The following AHNAK variants were observed in gnomAD, a reference collection of about 807,000 sequenced individuals.
AHNAK encodes the protein AHNAK nucleoprotein, also known as neuroblast differentiation-associated protein AHNAK.
Under a neutral mutation model 37.8 loss-of-function variants are expected in AHNAK, and 23 were observed. The ratio of observed to expected loss-of-function variants is 0.61; its 90% confidence interval spans 0.44 to 0.86. AHNAK has a LOEUF of 0.86. Ranked by LOEUF, AHNAK falls within the 40% of genes least tolerant of loss-of-function variation. The probability of loss-of-function intolerance (pLI) is 0.00; values close to 1 mark genes in which losing one functional copy is unlikely to be tolerated. For missense variants in AHNAK, 7,411 were observed against 7,319.4 expected (o/e 1.01, Z -0.46); for synonymous variants, 2,481 against 2,636.3 (o/e 0.94, Z 1.80).
rs145433832 is a variant in AHNAK at position 62,518,149 on chromosome 11, T to C, written c.16268A>G (p.Asn5423Ser). The C allele has an allele frequency of 1.9e-4, 310 of 1,614,184 alleles. No homozygotes were observed. Among genetic ancestry groups the C allele is most frequent in the Non-Finnish European group, 2.5e-4 (294 of 1,180,016 alleles). The change falls in exon 5 of 5, where the codon AAT becomes AGT. Residue 5423 changes from asparagine to serine, a missense_variant. Asn to Ser is a conservative substitution (Grantham distance 46). Transcript: ENST00000378024. ...ISTPGSDLHV[N>S]AKGPQVSGEL... is the part of the protein sequence containing the mutation. Reference sequence around the variant, plus strand: ...GCCAGAAACCTGTGGCCCCTTGGCATTGACGTGCAAGTCGGACCCCGGAGT... The same window carrying C: ...GCCAGAAACCTGTGGCCCCTTGGCACTGACGTGCAAGTCGGACCCCGGAGT...
intron 4 of AHNAK, among the ~76,000 whole-genome samples, chr11:62,493,011 C>CTTTTTTT (rs960994580): frequency 5.3e-5 from 7 of 133,328 alleles, no homozygotes; most frequent in African/African-American, 8.3e-5. Flanking sequence ...CTTTTCTTTT[C>CTTTTTTT]TTTTTTTTTT....
chr11:62,517,065 A>G lies in AHNAK; in HGVS notation c.17352T>C (p.Ser5784=), dbSNP rs1940043576. 1.2e-6 allele frequency: 2 copies of G among 1,614,040 alleles called. No homozygotes were observed. The highest frequency in any genetic ancestry group is 1.3e-5 in the African/African-American group (1 of 74,990). Reference sequence around the variant, plus strand: ...AAGGTCCAGAGAACTCTCTTTCATCACTGAATGAATTTGAGCGGTGCCGTG... The same window carrying G: ...AAGGTCCAGAGAACTCTCTTTCATCGCTGAATGAATTTGAGCGGTGCCGTG... The part of the protein sequence containing the change: ...KKPRHRSNSF[S]DEREFSGPST... The change falls in exon 5 of 5, where the codon AGT becomes AGC. Residue 5784 remains serine, a synonymous_variant. Coordinates refer to ENST00000378024, the MANE Select transcript of AHNAK (RefSeq NM_001620.3).
chr11:62,454,362 G>A (rs1416723977), intron 5 of AHNAK, among the ~76,000 whole-genome samples: 2 of 149,738 alleles, frequency 1.3e-5, no homozygotes, highest in South Asian at 2.1e-4. Flanking sequence ...GCAGTGAGCC[G>A]AGATCCTGCC....
intron 5 of AHNAK, among the ~76,000 whole-genome samples, chr11:62,443,034 T>C: frequency 6.7e-6 from 1 of 149,814 alleles, no homozygotes; most frequent in East Asian, 2.0e-4. Context: ...TGCGGTGGCG[T>C]GATCTTGGCT....
In AHNAK at chr11:62,498,404, A is replaced by ATGTAATTATAATTACACCATATAG. The variant is rs1939652428; in HGVS notation, c.343-6574_343-6573insCTATATGGTGTAATTATAATTACA. Among the ~76,000 whole-genome samples the ATGTAATTATAATTACACCATATAG allele has an allele frequency of 2.0e-5, 3 of 150,370 alleles. No homozygotes were observed. In the East Asian group the frequency reaches 5.8e-4, roughly 29 times the overall value. The stretch of plus-strand genomic sequence containing the variant: ...GAATGGCATACTAAGATTACACTAA[A>ATGTAATTATAATTACACCATATAG]TGTAATTATAATTACACTATATAGT... On this transcript the variant is annotated intron_variant, in intron 4 of 5. Transcript: ENST00000257247.
At chr11:62,449,145 C>G (rs547782284) in intron 5 of AHNAK, among the ~76,000 whole-genome samples, 1 of 152,188 alleles carries the variant, frequency 6.6e-6, no homozygotes, top group Non-Finnish European at 1.5e-5. Flanking sequence ...ATTTGAGCTA[C>G]AAGTAGCGTT....
rs1435448485 is a variant in AHNAK at position 62,524,988 on chromosome 11, G to A, written c.9429C>T (p.Gly3143=). The A allele has an allele frequency of 6.2e-7, 1 of 1,613,596 alleles. No homozygotes were observed. The highest frequency in any genetic ancestry group is 1.1e-5 in the South Asian group (1 of 91,034). Residue 3143 remains glycine, a synonymous_variant, in exon 5 of 5, where the codon GGC becomes GGT. Transcript: ENST00000378024. ...TAGGCATCTTCAGGTGCCAGTCTGG[G>A]CCTTGAACATCCACATCTGGGGCAT... is the stretch of plus-strand genomic sequence containing the variant. ...DINAPDVDVQ[G]PDWHLKMPKI...
downstream of AHNAK, among the ~76,000 whole-genome samples, chr11:62,514,850 A>G (rs1334124969): frequency 6.6e-6 from 1 of 152,144 alleles, no homozygotes; most frequent in Non-Finnish European, 1.5e-5. Context: ...TCTGCTGGCC[A>G]CGGTGAGGAC....
chr11:62,471,721 G>C (rs1166229289), intron 5 of AHNAK, among the ~76,000 whole-genome samples: 10 of 152,212 alleles, frequency 6.6e-5, no homozygotes, highest in Admixed American at 1.3e-4. Context: ...TGGGGGCCAG[G>C]CAGCCCATGG....
In AHNAK at chr11:62,517,861, GA is replaced by G. The variant is rs1940077811; in HGVS notation, c.16555del (p.Ser5519LeufsTer9). ...CAGACCACCTTTGATTTCAGGCCCA[GA>G]AATCTGCCCAGTTGGGAGTTTCACA... ...VNVKLPTGQI[S>X]GPEIKGGLKG... On this transcript the variant is annotated frameshift_variant, in exon 5 of 5. Transcript: ENST00000378024. LOFTEE classifies it high-confidence loss of function. The G allele has an allele frequency of 6.2e-7, 1 of 1,614,154 alleles. No individual in the cohort carries two copies. The highest frequency in any genetic ancestry group is 1.7e-5 in the Admixed American group (1 of 60,020).
rs201733548 is a variant in AHNAK, at chr11:62,521,920, T to C, written c.12497A>G (p.Lys4166Arg). 1.2e-4 allele frequency: 199 copies of C among 1,613,408 alleles called. No homozygotes were observed. The South Asian group carries it at 1.6e-3, about 13-fold the overall frequency. The change falls in exon 5 of 5, where the codon AAG becomes AGG. Residue 4166 changes from lysine (K) to arginine (R), a missense_variant. By Grantham distance (26) the Lys-to-Arg change is conservative (BLOSUM62 2). Coordinates refer to ENST00000378024, the MANE Select transcript of AHNAK (RefSeq NM_001620.3). ...GDLKGPEVDI[K>R]GPKVDIDVPD... is the part of the protein sequence containing the mutation. ...GACATCAATGTCCACTTTGGGGCCC[T>C]TGATGTCAACTTCAGGGCCCTTGAG...
At position 62,535,113 on chromosome 11, in the gene AHNAK, C is replaced by A; in HGVS notation, c.232G>T (p.Gly78Trp). The A allele has an allele frequency of 6.2e-7, 1 of 1,613,952 alleles. No individual in the cohort carries two copies. The highest frequency in any genetic ancestry group is 8.5e-7 in the Non-Finnish European group (1 of 1,179,884). Reference sequence around the variant, plus strand: ...AGCTTCAGGCCCACCGTGTGGTGCCCCATGGTGTTCAGCAGCTGGGTCACC... The same window carrying A: ...AGCTTCAGGCCCACCGTGTGGTGCCACATGGTGTTCAGCAGCTGGGTCACC... The part of the protein sequence containing the change: ...GEVTQLLNTM[G>W]HHTVGLKLHR... The change falls in exon 4 of 5, where the codon GGG becomes TGG. Residue 78 changes from glycine to tryptophan, a missense_variant. Gly to Trp is a radical substitution (Grantham distance 184). Transcript: ENST00000378024.
In AHNAK at chr11:62,526,342, C is replaced by A. The variant is rs749263039; in HGVS notation, c.8075G>T (p.Gly2692Val). Residue 2692 changes from glycine to valine, a missense_variant, in exon 5 of 5, where the codon GGG becomes GTG. By Grantham distance (109) the Gly-to-Val change is moderately radical. Transcript: ENST00000378024. ...CATCTCTGGCATCTTGAACTTAGGC[C>A]CTTTCAACTTTCCCTCTGGTCCTTC... is the stretch of plus-strand genomic sequence containing the variant. Reference protein sequence around the residue: ...NIEGPEGKLKGPKFKMPEMNI... With the variant: ...NIEGPEGKLKVPKFKMPEMNI... The A allele has an allele frequency of 1.2e-6, 2 of 1,611,966 alleles. No individual in the cohort carries two copies. Among genetic ancestry groups the A allele is most frequent in the Non-Finnish European group, 1.7e-6 (2 of 1,179,498 alleles).
rs1358444353 is a variant in AHNAK, at chr11:62,532,103, T to A, written c.2314A>T (p.Asn772Tyr). 16 of 1,613,542 alleles carry A rather than the reference T, an allele frequency of 9.9e-6. No individual in the cohort carries two copies. Among genetic ancestry groups the A allele is most frequent in the Non-Finnish European group, 1.4e-5 (16 of 1,179,910 alleles). Residue 772 changes from asparagine to tyrosine, a missense_variant, in exon 5 of 5, where the codon AAC becomes TAC. By Grantham distance (143) the Asn-to-Tyr change is moderately radical. Coordinates refer to ENST00000378024, the MANE Select transcript of AHNAK (RefSeq NM_001620.3). ...FKAEGPEVDV[N>Y]LPKADVDISG... ...ATGTCCACATCAGCCTTGGGCAGGTTCACATCCACTTCTGGGCCCTCTGCT... is the reference window on the plus strand; with the variant it reads ...ATGTCCACATCAGCCTTGGGCAGGTACACATCCACTTCTGGGCCCTCTGCT...
chr11:62,486,454 C>T (rs1939396438), intron 5 of AHNAK, among the ~76,000 whole-genome samples: 1 of 147,022 alleles, frequency 6.8e-6, no homozygotes, highest in South Asian at 2.1e-4. Context: ...GCCTGGGCAA[C>T]AAGAGCTAAA....
Position 62,522,449 on chromosome 11 carries a change from T to C in AHNAK, c.11968A>G (p.Lys3990Glu). The C allele has an allele frequency of 1.2e-6, 2 of 1,613,530 alleles. No homozygotes were observed. Among genetic ancestry groups the C allele is most frequent in the Middle Eastern group, 1.7e-4 (1 of 6,060 alleles). Residue 3990 changes from lysine to glutamate, a missense_variant, in exon 5 of 5, where the codon AAG becomes GAG. Physicochemically the swap from Lys to Glu is moderately conservative, Grantham distance 56. Coordinates refer to ENST00000378024, the MANE Select transcript of AHNAK (RefSeq NM_001620.3). ...GCTTTGATGTTCATCTCTGGCATCT[T>C]GAATTTAGGGCCCTTCAGTTTCGCA... is the stretch of plus-strand genomic sequence containing the variant. ...PDAKLKGPKF[K>E]MPEMNIKAPK... is the part of the protein sequence containing the mutation.
intron 3 of AHNAK, among the ~76,000 whole-genome samples, chr11:62,535,473 A>G (rs1048897484): frequency 1.3e-5 from 2 of 150,862 alleles, no homozygotes; most frequent in Non-Finnish European, 3.0e-5. Context: ...ACATAGAAAA[A>G]CCCCGTCTCT....
At position 62,526,432 on chromosome 11, in the gene AHNAK, A is replaced by G; in HGVS notation, c.7985T>C (p.Leu2662Pro). The G allele has an allele frequency of 1.2e-6, 2 of 1,611,780 alleles. No homozygotes were observed. The highest frequency in any genetic ancestry group is 1.7e-6 in the Non-Finnish European group (2 of 1,179,576). The change falls in exon 5 of 5, where the codon CTG (leucine) becomes CCG (proline). Residue 2662 changes from leucine (L) to proline (P), a missense_variant. Coordinates refer to ENST00000378024, the MANE Select transcript of AHNAK (RefSeq NM_001620.3). ...TGAGACATCAATGTCAGCCTTGGGC[A>G]GCTTCACATCCCCATCTGGGCCCTC... ...KGEGPDGDVK[L>P]PKADIDVSGP...
intron 5 of AHNAK, among the ~76,000 whole-genome samples, chr11:62,463,016 C>G (rs926927417): frequency 1.3e-5 from 2 of 150,772 alleles, no homozygotes; most frequent in South Asian, 4.2e-4. Flanking sequence ...CCCAGCTACT[C>G]GGGAGGCTGA....
Sources: gnomAD v4.1 joint callset for allele counts (sites outside exome capture counted in the v4.1 genomes callset) on GRCh38, gnomAD v4.1.1 for gene constraint, MANE v1.5 for transcripts, NCBI Gene and HGNC (gene_info 2026-07-23, HGNC 2026-07-21) for gene names.